Variants in PDCD10 observed in about 807,000 individuals in gnomAD.
PDCD10 encodes the protein programmed cell death 10.
Under a neutral mutation model 29.2 loss-of-function variants are expected in PDCD10, and 4 were observed. The observed-to-expected ratio is 0.14, with a 90% CI of 0.07 to 0.31. The LOEUF (loss-of-function observed/expected upper bound fraction) is 0.31. PDCD10 is among the 10% of genes least tolerant of loss of function. PDCD10 has a pLI of 1.00. For missense variants in PDCD10, 183 were observed against 257.9 expected (o/e 0.71, Z 1.99); for synonymous variants, 70 against 82.2 (o/e 0.85, Z 0.80).
intron 3 of PDCD10, among the ~76,000 whole-genome samples, chr3:167,706,545 A>G (rs1721991673): frequency 7.4e-6 from 1 of 134,810 alleles, no homozygotes; most frequent in Non-Finnish European, 1.5e-5. Context: ...GTGTATGTAA[A>G]CATAAAAGAG....
At position 167,720,214 on chromosome 3, in the gene PDCD10, A is replaced by C. The variant is rs557015020; in HGVS notation, c.-57T>G. ...CTAAAATGCAGAGGAATCTTCATTC[A>C]CTGCAATATTTCTTCTCTTTTTTGG... On this transcript the variant is annotated 5_prime_UTR_variant, in exon 3 of 9. Coordinates refer to ENST00000392750, the MANE Select transcript of PDCD10 (RefSeq NM_007217.4). The C allele has an allele frequency of 3.7e-6, 4 of 1,067,076 alleles. 1 individual carries two copies. The highest frequency in any genetic ancestry group is 5.9e-6 in the Non-Finnish European group (4 of 682,932). The allele number at this position is 1,067,076 out of a possible 1,614,324, so 66.1% of individuals were successfully genotyped here. A position where few individuals can be genotyped will look rare whatever the true frequency, so the allele number is the denominator to read the frequency against.
intron 8 of PDCD10, among the ~76,000 whole-genome samples, chr3:167,685,442 G>T: frequency 7.0e-6 from 1 of 142,122 alleles, no homozygotes; most frequent in Non-Finnish European, 1.5e-5. Context: ...GGAAGAAATA[G>T]CTGAATCAAT....
chr3:167,699,546 T>C (rs1340168217), intron 4 of PDCD10, among the ~76,000 whole-genome samples: 1 of 152,156 alleles, frequency 6.6e-6, no homozygotes, highest in Non-Finnish European at 1.5e-5. Context: ...AATGAATAAA[T>C]ATGGTCTTAA....
At chr3:167,690,882 TAA>T (rs1720153440) in intron 6 of PDCD10, among the ~76,000 whole-genome samples, 1 of 152,232 alleles carries the variant, frequency 6.6e-6, no homozygotes, top group Non-Finnish European at 1.5e-5. Context: ...GTTACATAGC[TAA>T]ATGTTGGAAC....
At chr3:167,723,546 C>T (rs1479250925) in intron 2 of PDCD10, among the ~76,000 whole-genome samples, 2 of 152,154 alleles carry the variant, frequency 1.3e-5, no homozygotes, top group South Asian at 2.1e-4. Context: ...ACAGCAGAAA[C>T]CGAAGTACAA....
chr3:167,709,900 A>C (rs1722362395), intron 3 of PDCD10, among the ~76,000 whole-genome samples: 1 of 152,146 alleles, frequency 6.6e-6, no homozygotes, highest in African/African-American at 2.4e-5. Flanking sequence ...CAGCTCAGTC[A>C]CAGTAGGATA....
rs146858915 is a variant in PDCD10, at chr3:167,720,282, A to G, written c.-116-9T>C. 1,310 of 688,896 alleles carry G rather than the reference A, an allele frequency of 1.9e-3. 16 individuals carry two copies. In the African/African-American group the frequency reaches 0.021, roughly 11 times the overall value. 42.7% of individuals were successfully genotyped at this position (688,896 alleles called of 1,614,324 possible). On this transcript the variant is annotated splice_polypyrimidine_tract_variant and intron_variant, in intron 2 of 8. Transcript: ENST00000392750. Reference sequence around the variant, plus strand: ...ACAAAAAACACACTGATCTGGTGAAAGAGGAAGAAAGAACAGAGACTTACT... The same window carrying G: ...ACAAAAAACACACTGATCTGGTGAAGGAGGAAGAAAGAACAGAGACTTACT...
At chr3:167,710,332 T>C (rs1722408412) in intron 3 of PDCD10, among the ~76,000 whole-genome samples, 1 of 152,290 alleles carries the variant, frequency 6.6e-6, no homozygotes, top group African/African-American at 2.4e-5. Context: ...GAGCCCATTG[T>C]CCTGAAGAGT....
At position 167,720,202 on chromosome 3, in the gene PDCD10, G is replaced by C. The variant is rs1327710077; in HGVS notation, c.-45C>G. On this transcript the variant is annotated 5_prime_UTR_variant, in exon 3 of 9. Transcript: ENST00000392750. ...GAAAAAGCAGTGCTAAAATGCAGAG[G>C]AATCTTCATTCACTGCAATATTTCT... 2 of 1,230,134 alleles carry C rather than the reference G, an allele frequency of 1.6e-6. No individual in the cohort carries two copies. The highest frequency in any genetic ancestry group is 2.4e-6 in the Non-Finnish European group (2 of 830,762). 76.2% of individuals were successfully genotyped at this position (1,230,134 alleles called of 1,614,324 possible). A position where few individuals can be genotyped will look rare whatever the true frequency, so the allele number is the denominator to read the frequency against.
Position 167,684,382 on chromosome 3 carries a change from T to C in PDCD10, c.565A>G (p.Asn189Asp), listed in dbSNP as rs1377123695. The part of the protein sequence containing the change: ...KTYFKDGKAI[N>D]VFVSANRLIH... The stretch of plus-strand genomic sequence containing the variant: ...AGTCGGTTGGCACTTACGAACACAT[T>C]TATTGCCCTGTTTAAAAAGAAAAGA... Residue 189 changes from asparagine to aspartate, a missense_variant, in exon 9 of 9, where the codon AAT (asparagine) becomes GAT (aspartate). Asn to Asp is a conservative substitution (Grantham distance 23). Coordinates refer to ENST00000392750, the MANE Select transcript of PDCD10 (RefSeq NM_007217.4). The C allele has an allele frequency of 6.3e-7, 1 of 1,589,902 alleles. No homozygotes were observed. The highest frequency in any genetic ancestry group is 2.2e-5 in the East Asian group (1 of 44,620).
chr3:167,685,897 TA>T (rs1366206421), intron 8 of PDCD10, among the ~76,000 whole-genome samples: 1 of 152,138 alleles, frequency 6.6e-6, no homozygotes, highest in Non-Finnish European at 1.5e-5. Context: ...AAACAAGTAA[TA>T]AAATTTAGCT....
At chr3:167,726,932 T>C (rs1186812126) in intron 2 of PDCD10, among the ~76,000 whole-genome samples, 1 of 152,234 alleles carries the variant, frequency 6.6e-6, no homozygotes, top group African/African-American at 2.4e-5. Context: ...CTACATAGCA[T>C]ATTTTCAAAA....
chr3:167,725,839 T>C (rs1378684688), intron 2 of PDCD10, among the ~76,000 whole-genome samples: 3 of 141,394 alleles, frequency 2.1e-5, no homozygotes, highest in Non-Finnish European at 4.6e-5. Context: ...ATGGACAATT[T>C]GTGCAGAAAG....
chr3:167,721,687 T>A (rs545980210), intron 2 of PDCD10, among the ~76,000 whole-genome samples: 1 of 152,188 alleles, frequency 6.6e-6, no homozygotes, highest in Non-Finnish European at 1.5e-5. Context: ...TTTAGTCCCA[T>A]TTCTGACAGT....
At chr3:167,725,761 GTTTATATATATATA>G (rs1244043505) in intron 2 of PDCD10, among the ~76,000 whole-genome samples, 3 of 54,720 alleles carry the variant, frequency 5.5e-5, no homozygotes, top group South Asian at 8.0e-4. Flanking sequence ...CCATTGTATC[GTTTATATATATATA>G]TATATATATA....
intron 2 of PDCD10, among the ~76,000 whole-genome samples, chr3:167,723,269 T>C (rs148793086): frequency 0.014 from 2,076 of 152,286 alleles, 48 homozygotes; most frequent in African/African-American, 0.047. Context: ...AATTACCCCA[T>C]GCAACAAAGA....
At chr3:167,691,387 A>G (rs1372031467) in intron 6 of PDCD10, among the ~76,000 whole-genome samples, 2 of 152,218 alleles carry the variant, frequency 1.3e-5, no homozygotes, top group Non-Finnish European at 2.9e-5. Context: ...CTAAATTAGT[A>G]CACTCTAGAA....
intron 6 of PDCD10, among the ~76,000 whole-genome samples, chr3:167,692,448 T>C (rs1359026332): frequency 1.3e-5 from 2 of 152,246 alleles, no homozygotes; most frequent in East Asian, 1.9e-4. Context: ...TATGGTGTCA[T>C]GTCACGGTGC....
intron 2 of PDCD10, chr3:167,725,351 C>T (rs1272281967): frequency 6.6e-6 from 1 of 151,366 alleles, no homozygotes; most frequent in East Asian, 1.9e-4. Flanking sequence ...GTAGTCTGGC[C>T]ATTTAACAAA....
Sources: gnomAD v4.1 joint callset for allele counts (sites outside exome capture counted in the v4.1 genomes callset) on GRCh38, gnomAD v4.1.1 for gene constraint, MANE v1.5 for transcripts, NCBI Gene and HGNC (gene_info 2026-07-23, HGNC 2026-07-21) for gene names.